WDPCP: variants seen among roughly 807,000 people sequenced by gnomAD.
The protein encoded by WDPCP is WD repeat-containing and planar cell polarity effector protein fritz homolog.
A neutral mutation model predicts 93.1 loss-of-function variants in WDPCP; 71 were observed. The ratio of observed to expected loss-of-function variants is 0.76; its 90% CI spans 0.63 to 0.93. The LOEUF (loss-of-function observed/expected upper bound fraction) is 0.93. Ranked by LOEUF, WDPCP falls within the 40% of genes least tolerant of loss-of-function variation. The pLI is 0.00. For missense variants in WDPCP, 844 were observed against 887.4 expected, an observed-to-expected ratio of 0.95 and a Z score of 0.62; for synonymous variants, 315 against 315.0, an observed-to-expected ratio of 1.00 and a Z score of 0.00.
chr2:63,445,786 G>C (rs1291025333), intron 6 of WDPCP, among the ~76,000 whole-genome samples: 1 of 152,108 alleles, frequency 6.6e-6, no homozygotes, highest in Admixed American at 6.6e-5. Context: ...GAAGTAAAGA[G>C]AAAGGCAAAT....
In WDPCP at chr2:63,230,716, C is replaced by T. The variant is rs188667514; in HGVS notation, c.1915+28591G>A. On this transcript the variant is annotated intron_variant, in intron 14 of 17. Coordinates refer to ENST00000272321, the MANE Select transcript of WDPCP (RefSeq NM_015910.7). ...TGATGAGCATTTTTTCATGTGTCTG[C>T]TGGCTGCATAAATGTCTTCTTTTGA... is the stretch of plus-strand genomic sequence containing the variant. Among the ~76,000 whole-genome samples the T allele has an allele frequency of 5.1e-3, 781 of 152,142 alleles. 1 individual carries two copies. Among genetic ancestry groups the T allele is most frequent in the Admixed American group, 7.9e-3 (121 of 15,248 alleles).
At chr2:63,524,413 C>T (rs1381703295) in intron 1 of WDPCP, among the ~76,000 whole-genome samples, 1 of 152,114 alleles carries the variant, frequency 6.6e-6, no homozygotes, top group Non-Finnish European at 1.5e-5. Context: ...ACAGAGAGAC[C>T]AATGGAACAC....
At chr2:63,223,751 T>A (rs1006686733) in intron 14 of WDPCP, among the ~76,000 whole-genome samples, 9 of 152,120 alleles carry the variant, frequency 5.9e-5, no homozygotes, top group Non-Finnish European at 1.2e-4. Context: ...TACATTTTAA[T>A]CACATAGATA....
intron 2 of WDPCP, among the ~76,000 whole-genome samples, chr2:63,658,455 A>G (rs1312034854): frequency 6.6e-6 from 1 of 152,176 alleles, no homozygotes; most frequent in East Asian, 1.9e-4. Flanking sequence ...AACTATGCAG[A>G]AAGATCAGTA....
At chr2:63,493,658 C>G (rs1367208324) in intron 1 of WDPCP, among the ~76,000 whole-genome samples, 4 of 151,340 alleles carry the variant, frequency 2.6e-5, no homozygotes, top group Non-Finnish European at 5.9e-5. Context: ...CAAGTACTAC[C>G]TCATCGATTT....
intron 2 of WDPCP, among the ~76,000 whole-genome samples, chr2:63,734,470 G>A (rs1055003899): frequency 1.3e-4 from 20 of 151,908 alleles, no homozygotes; most frequent in African/African-American, 4.4e-4. Flanking sequence ...ATTTTCCATC[G>A]AATGGCTGCT....
At chr2:63,506,217 A>C (rs1701861228) in intron 1 of WDPCP, among the ~76,000 whole-genome samples, 1 of 152,168 alleles carries the variant, frequency 6.6e-6, no homozygotes, top group African/African-American at 2.4e-5. Flanking sequence ...TTTTTCATCA[A>C]ACTTGCACCT....
intron 2 of WDPCP, among the ~76,000 whole-genome samples, chr2:63,748,292 A>G (rs1669828570): frequency 6.6e-6 from 1 of 151,750 alleles, no homozygotes; most frequent in Non-Finnish European, 1.5e-5. Flanking sequence ...TGTTAAATAG[A>G]AATGGGAATC....
chr2:63,816,400 G>T (rs916480155), intron 1 of WDPCP, among the ~76,000 whole-genome samples: 6 of 152,160 alleles, frequency 3.9e-5, no homozygotes, highest in Non-Finnish European at 8.8e-5. Context: ...TTGGGAAAAG[G>T]ATTTTTGCAG....
chr2:63,752,223 C>T (rs1669894648), intron 2 of WDPCP: 6 of 710,752 alleles, frequency 8.4e-6, no homozygotes, highest in South Asian at 1.4e-5. Flanking sequence ...CTGCCTCAAT[C>T]AGTCATAATT....
At chr2:63,197,731 CT>C (rs1675558006) in intron 14 of WDPCP, among the ~76,000 whole-genome samples, 1 of 152,074 alleles carries the variant, frequency 6.6e-6, no homozygotes, top group African/African-American at 2.4e-5. Flanking sequence ...CAATATTTGT[CT>C]TTCTGTGTTT....
At chr2:63,294,288 G>C (rs1684670936) in intron 13 of WDPCP, among the ~76,000 whole-genome samples, 1 of 147,348 alleles carries the variant, frequency 6.8e-6, no homozygotes. Flanking sequence ...CAGATCACTT[G>C]AGGTCAGGAG....
chr2:63,501,119 G>T (rs1262648259), intron 1 of WDPCP, among the ~76,000 whole-genome samples: 1 of 152,074 alleles, frequency 6.6e-6, no homozygotes, highest in Non-Finnish European at 1.5e-5. Context: ...AATACCAAAG[G>T]TAGTATTTTT....
At chr2:63,339,979 T>C (rs1333525627) in intron 12 of WDPCP, among the ~76,000 whole-genome samples, 2 of 152,252 alleles carry the variant, frequency 1.3e-5, no homozygotes, top group South Asian at 2.1e-4. Context: ...TTTATTCTGT[T>C]AATGTGATAT....
At chr2:63,594,643 A>G in intron 3 of WDPCP, 3 of 1,246,270 alleles carry the variant, frequency 2.4e-6, no homozygotes, top group Admixed American at 3.6e-5. Flanking sequence ...GGTTAATAAA[A>G]ATCTGTATTT....
intron 13 of WDPCP, among the ~76,000 whole-genome samples, chr2:63,289,912 A>G (rs1684278712): frequency 1.3e-5 from 2 of 151,516 alleles, no homozygotes; most frequent in Admixed American, 6.6e-5. Flanking sequence ...TACTGTTTGC[A>G]GGATATATAT....
chr2:63,603,659 T>C (rs996151218), intron 3 of WDPCP, among the ~76,000 whole-genome samples: 1 of 146,666 alleles, frequency 6.8e-6, no homozygotes, highest in Admixed American at 6.8e-5. Context: ...ACATTTCTTT[T>C]TTTTTTTTTT....
At chr2:63,303,970 C>CAAAAA (rs34553510) in intron 13 of WDPCP, among the ~76,000 whole-genome samples, 6 of 131,348 alleles carry the variant, frequency 4.6e-5, no homozygotes, top group Non-Finnish European at 6.5e-5. Flanking sequence ...AGTAAAAAGT[C>CAAAAA]AAAAAAAAAA....
At chr2:63,523,241 C>T (rs1191765785) in intron 1 of WDPCP, among the ~76,000 whole-genome samples, 1 of 152,122 alleles carries the variant, frequency 6.6e-6, no homozygotes, top group Non-Finnish European at 1.5e-5. Context: ...AAAAGGCTTT[C>T]CATAAAAGTC....
Sources: allele counts gnomAD v4.1 joint callset (sites outside exome capture counted in the v4.1 genomes callset), GRCh38; gene constraint gnomAD v4.1.1; transcripts MANE v1.5; gene names NCBI Gene and HGNC (gene_info 2026-07-23, HGNC 2026-07-21).